RAB23: variants seen among roughly 807,000 people sequenced by gnomAD.
RAB23 encodes the protein RAB23, member RAS oncogene family, also known as ras-related protein Rab-23.
In RAB23, 15 loss-of-function variants were observed where a neutral mutation model predicts 30.0. The observed-to-expected ratio is 0.50, with a 90% confidence interval of 0.33 to 0.77. The LOEUF is 0.77. Ranked by LOEUF, RAB23 falls within the 30% of genes least tolerant of loss-of-function variation. The pLI, the probability that RAB23 is intolerant of heterozygous loss-of-function variation, is 0.02. For synonymous variants in RAB23, 93 were observed against 94.0 expected (o/e 0.99, Z 0.06); for missense variants, 243 against 275.4 (o/e 0.88, Z 0.83).
chr6:57,192,795 A>T (rs1593206305), intron 6 of RAB23, among the ~76,000 whole-genome samples: 1 of 152,286 alleles, frequency 6.6e-6, no homozygotes, highest in East Asian at 1.9e-4. Context: ...AACTTTCTAG[A>T]AAGGCCTTGA....
At chr6:57,200,812 A>T (rs895769897) in intron 3 of RAB23, among the ~76,000 whole-genome samples, 7 of 152,290 alleles carry the variant, frequency 4.6e-5, no homozygotes, top group African/African-American at 1.7e-4. Context: ...GCAGACAAAA[A>T]GCAGAGAGCT....
intron 1 of RAB23, among the ~76,000 whole-genome samples, chr6:57,218,723 T>C (rs1765939746): frequency 6.6e-6 from 1 of 151,836 alleles, no homozygotes; most frequent in East Asian, 1.9e-4. Context: ...GTGGGGTTGC[T>C]CGCCTGTAAT....
In RAB23 at chr6:57,193,947, G is replaced by C. The variant is rs372666007; in HGVS notation, c.482-13C>G. On this transcript the variant is annotated splice_polypyrimidine_tract_variant and intron_variant, in intron 5 of 6. Coordinates refer to ENST00000468148, the MANE Select transcript of RAB23 (RefSeq NM_016277.5). The stretch of plus-strand genomic sequence containing the variant: ...AAATACTTAAAAACTAGAATAAAAA[G>C]AAAACACCCAGAACCAGGTCAATGA... 87 of 1,608,598 alleles carry C rather than the reference G, an allele frequency of 5.4e-5. No individual in the cohort carries two copies. The African/African-American group carries it at 1.1e-3, about 21-fold the overall frequency.
At position 57,187,798 on chromosome 6, in the gene RAB23, C is replaced by T. The variant is rs763281017; in HGVS notation, c.*2663G>A. ...GCACTGCCAACTTCTAAAGCAACCA[C>T]CTAGAACTTCACTCCATAATGAGGA... On this transcript the variant is annotated 3_prime_UTR_variant, in exon 7 of 7. Transcript: ENST00000468148. The T allele has an allele frequency of 7.2e-5, 11 of 152,198 alleles. No individual in the cohort carries two copies. The highest frequency in any genetic ancestry group is 2.4e-4 in the African/African-American group (10 of 41,526). 9.4% of individuals were successfully genotyped at this position (152,198 alleles called of 1,614,324 possible). A position where few individuals can be genotyped will look rare whatever the true frequency, so the allele number is the denominator to read the frequency against.
chr6:57,203,677 G>C (rs953304343), intron 3 of RAB23, among the ~76,000 whole-genome samples: 2 of 152,084 alleles, frequency 1.3e-5, no homozygotes, highest in African/African-American at 4.8e-5. Context: ...AATCAATACT[G>C]TCAAGGCTGA....
At chr6:57,216,661 TAGAC>T (rs1243517418) in intron 1 of RAB23, among the ~76,000 whole-genome samples, 1 of 151,996 alleles carries the variant, frequency 6.6e-6, no homozygotes, top group Non-Finnish European at 1.5e-5. Flanking sequence ...GGCTGCTCCA[TAGAC>T]AGAGCGGCCC....
In RAB23 at chr6:57,210,267, G is replaced by T. The variant is rs888229513; in HGVS notation, c.114C>A (p.Tyr38Ter). Residue 38 changes from tyrosine (Y) to a stop codon, truncating the protein, a stop_gained, in exon 2 of 7, where the codon TAC becomes TAA. Transcript: ENST00000468148. LOFTEE classifies it high-confidence loss of function. ...AAAAATCAACTCCAATGGTTTTCTT[G>T]TAGTCTTTTGTAAAAATGCCTTTGC... ...RYCKGIFTKD[Y>*]KKTIGVDFLE... The T allele has an allele frequency of 1.2e-6, 2 of 1,613,922 alleles. No homozygotes were observed. Among genetic ancestry groups the T allele is most frequent in the African/African-American group, 2.7e-5 (2 of 74,944 alleles).
chr6:57,220,859 T>A (rs1045353132), intron 1 of RAB23, among the ~76,000 whole-genome samples: 9 of 152,154 alleles, frequency 5.9e-5, no homozygotes, highest in African/African-American at 1.9e-4. Flanking sequence ...ATACACTTTT[T>A]AAAATAATAA....
At chr6:57,205,531 G>A (rs1765428166) in intron 3 of RAB23, among the ~76,000 whole-genome samples, 1 of 152,070 alleles carries the variant, frequency 6.6e-6, no homozygotes, top group Non-Finnish European at 1.5e-5. Context: ...ATATGCAAAT[G>A]CTACATAGAG....
chr6:57,207,777 G>T, intron 2 of RAB23, 64 bp from the exon 3 acceptor site: 1 of 1,105,940 alleles, frequency 9.0e-7, no homozygotes. Context: ...ATAGCTTTGT[G>T]TATATTTTTC....
At chr6:57,220,432 T>C (rs1183907726) in intron 1 of RAB23, among the ~76,000 whole-genome samples, 1 of 152,202 alleles carries the variant, frequency 6.6e-6, no homozygotes, top group Admixed American at 6.5e-5. Flanking sequence ...AACATGTCCA[T>C]GCAAAAACCT....
At chr6:57,219,829 T>C (rs547649516) in intron 1 of RAB23, among the ~76,000 whole-genome samples, 3 of 152,312 alleles carry the variant, frequency 2.0e-5, no homozygotes, top group African/African-American at 7.2e-5. Context: ...TGGAACACTT[T>C]TATAAAACAA....
At chr6:57,205,277 C>A (rs1169283963) in intron 3 of RAB23, among the ~76,000 whole-genome samples, 1 of 151,674 alleles carries the variant, frequency 6.6e-6, no homozygotes, top group East Asian at 1.9e-4. Context: ...AATAAAATTT[C>A]ATCCATTACT....
intron 3 of RAB23, among the ~76,000 whole-genome samples, chr6:57,206,157 A>G (rs1287440807): frequency 6.6e-6 from 1 of 152,188 alleles, no homozygotes; most frequent in African/African-American, 2.4e-5. Context: ...TTGCTGAGCA[A>G]GTATTATGCA....
At chr6:57,205,240 G>C (rs916648456) in intron 3 of RAB23, among the ~76,000 whole-genome samples, 7 of 151,574 alleles carry the variant, frequency 4.6e-5, no homozygotes, top group Non-Finnish European at 8.8e-5. Flanking sequence ...GTGTGTGTAT[G>C]TATGTGTGTG....
At chr6:57,207,146 C>G (rs1447417733) in intron 3 of RAB23, among the ~76,000 whole-genome samples, 1 of 152,160 alleles carries the variant, frequency 6.6e-6, no homozygotes, top group East Asian at 1.9e-4. Flanking sequence ...GAAATTTTAG[C>G]CCACATTTTA....
intron 5 of RAB23, among the ~76,000 whole-genome samples, chr6:57,194,143 A>T (rs1764937292): frequency 6.6e-6 from 1 of 152,238 alleles, no homozygotes; most frequent in Admixed American, 6.5e-5. Context: ...ATGGTATTTT[A>T]TTAGTAAATA....
rs531376408 is a variant in RAB23 at position 57,222,032 on chromosome 6, C to A, written c.-372G>T. ...GCGAGCCGCTACTCACCGTCCCCCA[C>A]CGGCCGCGGACCCGCCGCCCGGCGC... On this transcript the variant is annotated 5_prime_UTR_variant, in exon 1 of 7. Transcript: ENST00000468148. 1 of 152,386 alleles carries A rather than the reference C, an allele frequency of 6.6e-6. No individual in the cohort carries two copies. The highest frequency in any genetic ancestry group is 2.4e-5 in the African/African-American group (1 of 41,468). The allele number at this position is 152,386 out of a possible 1,614,324, so 9.4% of individuals were successfully genotyped here. A position where few individuals can be genotyped will look rare whatever the true frequency, so the allele number is the denominator to read the frequency against.
At chr6:57,221,493 G>A (rs1766058219) in intron 1 of RAB23, 1 of 152,700 alleles carries the variant, frequency 6.5e-6, no homozygotes, top group African/African-American at 2.4e-5. Context: ...GTAAAGAGTG[G>A]TCGCACTGCA....
Sources: gnomAD v4.1 joint callset for allele counts (sites outside exome capture counted in the v4.1 genomes callset) on GRCh38, gnomAD v4.1.1 for gene constraint, MANE v1.5 for transcripts, NCBI Gene and HGNC (gene_info 2026-07-23, HGNC 2026-07-21) for gene names.